The following MTNR1A variants were observed in gnomAD, a reference collection of about 807,000 sequenced individuals.
The protein encoded by MTNR1A is melatonin receptor type 1A.
MTNR1A carries 7 observed loss-of-function variants against 5.5 expected under a neutral mutation model. That is an observed-to-expected ratio of 1.28 (90% CI 0.73 to 2.40). MTNR1A has a LOEUF of 2.40. MTNR1A is among the 30% of genes most tolerant of loss of function. The pLI, the probability that MTNR1A is intolerant of heterozygous loss-of-function variation, is 0.00. For synonymous variants in MTNR1A, 196 were observed against 202.7 expected (o/e 0.97, Z 0.28); for missense variants, 441 against 464.4 (o/e 0.95, Z 0.46).
At chr4:186,534,838 A>G (rs1460953923) in intron 1 of MTNR1A, among the ~76,000 whole-genome samples, 4 of 152,144 alleles carry the variant, frequency 2.6e-5, no homozygotes, top group African/African-American at 7.2e-5. Context: ...ATCTCTTAAA[A>G]AGTCCTGAGA....
intron 1 of MTNR1A, among the ~76,000 whole-genome samples, chr4:186,539,213 T>TAAAAA (rs59170135): frequency 1.7e-5 from 2 of 115,816 alleles, no homozygotes; most frequent in Admixed American, 9.4e-5. Flanking sequence ...AAGACTCCAT[T>TAAAAA]AAAAAAAAAA....
At chr4:186,546,641 G>A (rs569396401) in intron 1 of MTNR1A, among the ~76,000 whole-genome samples, 3 of 146,082 alleles carry the variant, frequency 2.1e-5, no homozygotes, top group Non-Finnish European at 3.0e-5. Context: ...CATCCGCCTC[G>A]CTCCCTGTTC....
At chr4:186,540,668 G>A (rs1736995054) in intron 1 of MTNR1A, among the ~76,000 whole-genome samples, 1 of 151,254 alleles carries the variant, frequency 6.6e-6, no homozygotes, top group African/African-American at 2.4e-5. Context: ...GAAGGACCAG[G>A]TGCTGTCTGA....
At chr4:186,546,331 C>T (rs1737140984) in intron 1 of MTNR1A, among the ~76,000 whole-genome samples, 1 of 151,914 alleles carries the variant, frequency 6.6e-6, no homozygotes, top group African/African-American at 2.4e-5. Flanking sequence ...CCTCTCATCC[C>T]CCACCCCTCC....
At chr4:186,535,784 T>A (rs1432688515) in intron 1 of MTNR1A, among the ~76,000 whole-genome samples, 1 of 152,202 alleles carries the variant, frequency 6.6e-6, no homozygotes, top group Admixed American at 6.5e-5. Flanking sequence ...CTCTGTTTCT[T>A]ACTATTCCTT....
At chr4:186,547,867 G>A (rs534933672) in intron 1 of MTNR1A, among the ~76,000 whole-genome samples, 2 of 152,234 alleles carry the variant, frequency 1.3e-5, no homozygotes, top group Non-Finnish European at 1.5e-5. Flanking sequence ...CAGTGTTAAA[G>A]GTGTAACATC....
At position 186,555,319 on chromosome 4, in the gene MTNR1A, A is replaced by C; in HGVS notation, c.47T>G (p.Leu16Arg). Residue 16 changes from leucine to arginine, a missense_variant, in exon 1 of 2, where the codon CTC becomes CGC. Transcript: ENST00000307161. This position sits in a 1 kb window ranked among gnomAD's most constrained non-coding sequence, Gnocchi z 4.1. ...SALPNASQPV[L>R]RGDGARPSWL... ...CGAGGGCCGCGCGCCGTCCCCGCGG[A>C]GCACGGGCTGGGAGGCGTTGGGCAG... 1 of 1,546,442 alleles carries C rather than the reference A, an allele frequency of 6.5e-7. No individual in the cohort carries two copies. Among genetic ancestry groups the C allele is most frequent in the Non-Finnish European group, 8.7e-7 (1 of 1,145,650 alleles).
chr4:186,536,085 C>A (rs1049677160), intron 1 of MTNR1A, among the ~76,000 whole-genome samples: 1 of 152,156 alleles, frequency 6.6e-6, no homozygotes, highest in African/African-American at 2.4e-5. Context: ...GTGGCTCACA[C>A]CTGTAATCCC....
At position 186,534,519 on chromosome 4, in the gene MTNR1A, C is replaced by G. The variant is rs748643650; in HGVS notation, c.223G>C (p.Val75Leu). The G allele has an allele frequency of 6.2e-6, 10 of 1,613,654 alleles. No homozygotes were observed. The highest frequency in any genetic ancestry group is 1.1e-5 in the South Asian group (1 of 91,072). ...AACGGGTACGGATAAATGGCCACCA[C>G]CAGGTCTGCCACCGCTAAGCTCACC... ...FVVSLAVADL[V>L]VAIYPYPLVL... Residue 75 changes from valine (V) to leucine (L), a missense_variant, in exon 2 of 2, where the codon GTG becomes CTG. Val to Leu is a conservative substitution (Grantham distance 32). Coordinates refer to ENST00000307161, the MANE Select transcript of MTNR1A (RefSeq NM_005958.4).
intron 1 of MTNR1A, among the ~76,000 whole-genome samples, chr4:186,554,387 C>T (rs1395599607): frequency 6.6e-6 from 1 of 152,090 alleles, no homozygotes; most frequent in Non-Finnish European, 1.5e-5. Flanking sequence ...AAAAGTGCCT[C>T]CAAATAAAAA....
At chr4:186,536,912 T>G (rs1490693153) in intron 1 of MTNR1A, among the ~76,000 whole-genome samples, 3 of 152,244 alleles carry the variant, frequency 2.0e-5, no homozygotes, top group Non-Finnish European at 4.4e-5. Flanking sequence ...CTATAATATG[T>G]GAAATTCTGT....
At position 186,534,010 on chromosome 4, in the gene MTNR1A, A is replaced by G; in HGVS notation, c.732T>C (p.Phe244=). 1.9e-6 allele frequency: 3 copies of G among 1,614,158 alleles called. No homozygotes were observed. The highest frequency in any genetic ancestry group is 2.5e-6 in the Non-Finnish European group (3 of 1,180,044). Residue 244 remains phenylalanine, a synonymous_variant, in exon 2 of 2, where the codon TTT becomes TTC. Coordinates refer to ENST00000307161, the MANE Select transcript of MTNR1A (RefSeq NM_005958.4). The part of the protein sequence containing the change: ...FRNFVTMFVV[F]VLFAICWAPL... ...GAGCCCAGCAAATGGCAAAAAGGACAAAAACCACAAACATGGTGACAAAAT... is the reference window on the plus strand; with the variant it reads ...GAGCCCAGCAAATGGCAAAAAGGACGAAAACCACAAACATGGTGACAAAAT...
At chr4:186,551,634 G>C (rs1179856780) in intron 1 of MTNR1A, among the ~76,000 whole-genome samples, 2 of 152,020 alleles carry the variant, frequency 1.3e-5, no homozygotes, top group African/African-American at 2.4e-5. Context: ...GGATGGGTAG[G>C]TAAGTGGACT....
intron 1 of MTNR1A, among the ~76,000 whole-genome samples, chr4:186,540,314 T>C (rs769166095): frequency 2.2e-4 from 33 of 152,222 alleles, no homozygotes; most frequent in Non-Finnish European, 4.1e-4. Flanking sequence ...ATATGTGAAG[T>C]TGGCCCTCTA....
intron 1 of MTNR1A, among the ~76,000 whole-genome samples, chr4:186,546,794 G>A (rs1737157367): frequency 2.1e-5 from 3 of 146,200 alleles, no homozygotes; most frequent in African/African-American, 5.3e-5. Context: ...CTGTTCATGG[G>A]ACACACCGTC....
At chr4:186,547,910 G>A (rs1737191439) in intron 1 of MTNR1A, among the ~76,000 whole-genome samples, 1 of 152,168 alleles carries the variant, frequency 6.6e-6, no homozygotes, top group Non-Finnish European at 1.5e-5. Context: ...TCTATGCCCA[G>A]TGACTGTCTT....
At chr4:186,536,691 G>C (rs1330435700) in intron 1 of MTNR1A, among the ~76,000 whole-genome samples, 2 of 152,096 alleles carry the variant, frequency 1.3e-5, no homozygotes, top group Non-Finnish European at 2.9e-5. Flanking sequence ...ATGAGAGAAA[G>C]GCAAAATTTG....
intron 1 of MTNR1A, among the ~76,000 whole-genome samples, chr4:186,549,346 A>G (rs1047543533): frequency 1.3e-5 from 2 of 152,226 alleles, no homozygotes; most frequent in Non-Finnish European, 2.9e-5. Context: ...TTAGCAGGCT[A>G]GTTCTCCAGC....
intron 1 of MTNR1A, among the ~76,000 whole-genome samples, chr4:186,549,448 C>T (rs958168696): frequency 6.6e-6 from 1 of 152,186 alleles, no homozygotes; most frequent in South Asian, 2.1e-4. Context: ...GAAATTCTCT[C>T]ACTAATTCCG....
Sources: allele counts gnomAD v4.1 joint callset (sites outside exome capture counted in the v4.1 genomes callset), GRCh38; gene constraint gnomAD v4.1.1; non-coding constraint Gnocchi (gnomAD v3.1); transcripts MANE v1.5; gene names NCBI Gene and HGNC (gene_info 2026-07-23, HGNC 2026-07-21).